The following ANK2 variants were observed in gnomAD, a reference collection of about 807,000 sequenced individuals.
The protein encoded by ANK2 is ankyrin 2, also known as ankyrin-2.
A neutral mutation model predicts 360.5 loss-of-function variants in ANK2; 83 were observed. The ratio of observed to expected loss-of-function variants is 0.23; its 90% CI spans 0.19 to 0.28. The LOEUF is 0.28. Among genes scored for constraint, ANK2 ranks in the 10% least tolerant of loss-of-function variants. The pLI is 1.00. For synonymous variants in ANK2, 1,740 were observed against 1,759.5 expected (o/e 0.99, Z 0.28); for missense variants, 4,201 against 4,795.7 (o/e 0.88, Z 3.66).
chr4:112,736,174 G>A, the ANK2 span, among the ~76,000 whole-genome samples: 1 of 152,002 alleles, frequency 6.6e-6, no homozygotes, highest in African/African-American at 2.4e-5. Context: ...TTAAAAAACA[G>A]AACCAGGGCT....
At chr4:112,950,791 T>C (rs575589040) in intron 2 of ANK2, among the ~76,000 whole-genome samples, 127 of 151,462 alleles carry the variant, frequency 8.4e-4, no homozygotes, top group African/African-American at 3.0e-3. Context: ...AATTTTAAAA[T>C]GTGTGCCTCG....
the ANK2 span, among the ~76,000 whole-genome samples, chr4:112,778,604 A>T: frequency 6.6e-6 from 1 of 152,134 alleles, no homozygotes; most frequent in East Asian, 1.9e-4. Flanking sequence ...AGAGTTTGTC[A>T]TTTCTCGCTG....
chr4:113,283,158 G>A (rs1212017520), intron 18 of ANK2, among the ~76,000 whole-genome samples: 1 of 152,156 alleles, frequency 6.6e-6, no homozygotes, highest in Non-Finnish European at 1.5e-5. Flanking sequence ...TTCTCTGTGT[G>A]TCTAAAGAGG....
intron 1 of ANK2, among the ~76,000 whole-genome samples, chr4:113,147,133 A>G (rs1683704819): frequency 6.6e-6 from 1 of 152,234 alleles, no homozygotes; most frequent in Non-Finnish European, 1.5e-5. Context: ...AAAAGAGGAC[A>G]GTAGTTCCAG....
chr4:113,229,489 C>T (rs2099266367), intron 4 of ANK2, among the ~76,000 whole-genome samples: 1 of 152,184 alleles, frequency 6.6e-6, no homozygotes, highest in Admixed American at 6.5e-5. Context: ...TACAGAGTTC[C>T]TTTTGCCAAA....
intron 1 of ANK2, among the ~76,000 whole-genome samples, chr4:112,864,900 T>C (rs964858345): frequency 3.3e-5 from 5 of 150,566 alleles, no homozygotes; most frequent in Admixed American, 1.3e-4. Flanking sequence ...GGCGTGGTGG[T>C]GGGCGCCTGT....
intron 15 of ANK2, among the ~76,000 whole-genome samples, chr4:113,276,041 A>G (rs1185901424): frequency 6.7e-6 from 1 of 148,764 alleles, no homozygotes; most frequent in African/African-American, 2.5e-5. Context: ...TCCCGGGTTC[A>G]AGCGATTCTT....
intron 1 of ANK2, among the ~76,000 whole-genome samples, chr4:113,142,192 G>T (rs1206779311): frequency 6.6e-6 from 1 of 152,154 alleles, no homozygotes; most frequent in East Asian, 1.9e-4. Flanking sequence ...GGATGGTGCT[G>T]CATTGTATTT....
At chr4:112,873,795 G>A (rs1338354427) in intron 1 of ANK2, among the ~76,000 whole-genome samples, 1 of 151,828 alleles carries the variant, frequency 6.6e-6, no homozygotes, top group Non-Finnish European at 1.5e-5. Flanking sequence ...GCCTGCCTCA[G>A]CCTCCCAAAG....
chr4:113,033,802 A>G (rs575978953), intron 2 of ANK2: 1 of 152,122 alleles, frequency 6.6e-6, no homozygotes, highest in African/African-American at 2.4e-5. Context: ...CATATTGACA[A>G]ACTCCAGCAA....
chr4:112,718,954 C>G, the ANK2 span, among the ~76,000 whole-genome samples: 1 of 150,838 alleles, frequency 6.6e-6, no homozygotes, highest in Non-Finnish European at 1.5e-5. Context: ...CCACCGCTCC[C>G]GGTCAGCAGT....
intron 4 of ANK2, among the ~76,000 whole-genome samples, chr4:113,199,503 C>T (rs1463993459): frequency 1.3e-5 from 2 of 152,008 alleles, no homozygotes. Flanking sequence ...GGAAAATCTG[C>T]CATAAGGTGG....
intron 26 of ANK2, chr4:113,323,826 T>G: frequency 6.2e-7 from 1 of 1,601,084 alleles, no homozygotes; most frequent in South Asian, 1.1e-5. Context: ...TCTCTGAACA[T>G]GTTGCCTATT....
At chr4:113,147,380 C>G (rs2154392065) in intron 1 of ANK2, among the ~76,000 whole-genome samples, 1 of 152,294 alleles carries the variant, frequency 6.6e-6, no homozygotes, top group African/African-American at 2.4e-5. Context: ...CAAAAAGTAT[C>G]ATTACTACTA....
chr4:112,970,483 T>G lies in ANK2; in HGVS notation c.21+65969T>G, dbSNP rs188244147. On this transcript the variant is annotated intron_variant, in intron 2 of 30. Coordinates refer to the ANK2 transcript ENST00000503271. ...AATTCTCCTGCCTCAGCCTCCCGAG[T>G]AGCTGGGATTACAGGTGTGCACCAC... 7.7e-3 allele frequency among the ~76,000 whole-genome samples: 1,167 copies of G among 152,192 alleles called. 5 individuals are homozygous for G. The highest frequency in any genetic ancestry group is 0.024 in the Middle Eastern group (7 of 294).
At chr4:112,916,127 G>T (rs538327782) in intron 2 of ANK2, among the ~76,000 whole-genome samples, 1 of 152,128 alleles carries the variant, frequency 6.6e-6, no homozygotes. Context: ...AGCTTAAACA[G>T]GACCATTTAC....
At chr4:113,317,496 C>T (rs1185044379) in intron 24 of ANK2, 2 of 603,238 alleles carry the variant, frequency 3.3e-6, no homozygotes, top group African/African-American at 3.7e-5. Context: ...TTCCCTTGTG[C>T]TCTTGCCATT....
intron 41 of ANK2, among the ~76,000 whole-genome samples, chr4:113,367,297 C>T (rs752196230): frequency 2.0e-5 from 3 of 152,030 alleles, no homozygotes; most frequent in Non-Finnish European, 4.4e-5. Context: ...ATTCTAACCC[C>T]ATGTTAGGTG....
intron 1 of ANK2, among the ~76,000 whole-genome samples, chr4:113,083,583 T>A (rs375541743): frequency 8.6e-5 from 13 of 151,920 alleles, no homozygotes; most frequent in African/African-American, 2.4e-4. Context: ...GTATAAGGAG[T>A]GAGAGAGAGG....
Sources: gnomAD v4.1 joint callset for allele counts (sites outside exome capture counted in the v4.1 genomes callset) on GRCh38, gnomAD v4.1.1 for gene constraint, MANE v1.5 for transcripts, NCBI Gene and HGNC (gene_info 2026-07-23, HGNC 2026-07-21) for gene names.